Variants in SPAG16 observed in about 807,000 individuals in gnomAD.
SPAG16 encodes the protein sperm associated antigen 16.
A neutral mutation model predicts 80.4 loss-of-function variants in SPAG16; 86 were observed. The observed-to-expected ratio is 1.07, with a 90% CI of 0.90 to 1.28. The LOEUF is 1.28. Ranked by LOEUF, SPAG16 falls within the 50% of genes most tolerant of loss-of-function variation. The pLI, the probability that SPAG16 is intolerant of heterozygous loss-of-function variation, is 0.00. For missense variants in SPAG16, 870 were observed against 765.3 expected (o/e 1.14, Z -1.61); for synonymous variants, 294 against 265.9 (o/e 1.11, Z -1.03).
rs144089091 is a variant in SPAG16, at chr2:213,437,200, A to C, written c.943-52763A>C. On this transcript the variant is annotated intron_variant, in intron 9 of 15. Coordinates refer to ENST00000331683, the MANE Select transcript of SPAG16 (RefSeq NM_024532.5). ...AGGCATGAGCCACTGTGCCTGGCCA[A>C]AAATGAGAAACTCTTAGTCTTTAAG... Among the ~76,000 whole-genome samples the C allele has an allele frequency of 2.8e-4, 43 of 152,344 alleles. No individual in the cohort carries two copies. The South Asian group carries it at 5.8e-3, about 21-fold the overall frequency.
chr2:213,381,051 A>G (rs1453535658), intron 9 of SPAG16, among the ~76,000 whole-genome samples: 2 of 151,698 alleles, frequency 1.3e-5, no homozygotes. Flanking sequence ...CAGGGAAACA[A>G]TGAAGGAATG....
chr2:214,175,599 C>A (rs924889002), intron 15 of SPAG16, among the ~76,000 whole-genome samples: 8 of 151,104 alleles, frequency 5.3e-5, no homozygotes, highest in African/African-American at 1.9e-4. Context: ...TGGGAAGACA[C>A]CTCAAAGCCA....
chr2:213,892,407 G>T (rs1412326420), intron 11 of SPAG16, among the ~76,000 whole-genome samples: 1 of 152,136 alleles, frequency 6.6e-6, no homozygotes, highest in African/African-American at 2.4e-5. Flanking sequence ...ACACATATGT[G>T]TCTACAAGAA....
chr2:214,295,523 G>A (rs2125939003), intron 15 of SPAG16, among the ~76,000 whole-genome samples: 1 of 152,310 alleles, frequency 6.6e-6, no homozygotes, highest in Admixed American at 6.5e-5. Flanking sequence ...AGGGACAGTG[G>A]CTCATGCCTG....
intron 15 of SPAG16, among the ~76,000 whole-genome samples, chr2:214,263,996 T>G (rs766580635): frequency 2.0e-5 from 3 of 152,214 alleles, no homozygotes; most frequent in Non-Finnish European, 4.4e-5. Flanking sequence ...AAGTCTATAC[T>G]TTTAAAATTA....
chr2:214,143,987 G>C (rs1480036658), intron 14 of SPAG16, among the ~76,000 whole-genome samples: 2 of 151,948 alleles, frequency 1.3e-5, no homozygotes, highest in Admixed American at 1.3e-4. Flanking sequence ...GCAAGACCCT[G>C]TCTATAAAAA....
In SPAG16 at chr2:214,233,313, T is replaced by A. The variant is rs150116302; in HGVS notation, c.1720+84047T>A. Among the ~76,000 whole-genome samples, 75 of 151,632 alleles carry A rather than the reference T, an allele frequency of 4.9e-4. 1 individual carries two copies. The East Asian group carries it at 0.013, about 27-fold the overall frequency. ...ATTAATCTCTGTAGCCTTCTGTATA[T>A]GTGCCCTAATTCTCAGTAAAAATAG... On this transcript the variant is annotated intron_variant, in intron 15 of 15. Coordinates refer to ENST00000331683, the MANE Select transcript of SPAG16 (RefSeq NM_024532.5).
chr2:213,837,404 C>T (rs942899159), intron 10 of SPAG16, among the ~76,000 whole-genome samples: 1 of 152,208 alleles, frequency 6.6e-6, no homozygotes, highest in Non-Finnish European at 1.5e-5. Flanking sequence ...TTACAAATGA[C>T]TCCCAATTAT....
At chr2:213,708,216 G>A (rs1010483806) in intron 10 of SPAG16, among the ~76,000 whole-genome samples, 2 of 152,086 alleles carry the variant, frequency 1.3e-5, no homozygotes, top group Admixed American at 6.6e-5. Context: ...ACAAAGATCA[G>A]TTGAAAAGAT....
intron 8 of SPAG16, among the ~76,000 whole-genome samples, chr2:213,369,173 C>T (rs926682012): frequency 2.6e-5 from 4 of 152,004 alleles, no homozygotes; most frequent in African/African-American, 4.8e-5. Context: ...CAGGCAAGCT[C>T]GGAGATTTTT....
At chr2:213,637,832 C>A (rs557073196) in intron 10 of SPAG16, among the ~76,000 whole-genome samples, 2 of 152,154 alleles carry the variant, frequency 1.3e-5, no homozygotes, top group Non-Finnish European at 2.9e-5. Context: ...TCTCGGCTCA[C>A]GGCAAGCTCT....
At chr2:213,588,814 A>AAAAAAAAAAC (rs2060572147) in intron 10 of SPAG16, among the ~76,000 whole-genome samples, 1 of 117,018 alleles carries the variant, frequency 8.5e-6, no homozygotes, top group Non-Finnish European at 1.7e-5. Flanking sequence ...GTCTCAAAAA[A>AAAAAAAAAAC]AAAAAAAAAA....
chr2:214,244,119 G>T (rs1689677533), intron 15 of SPAG16, among the ~76,000 whole-genome samples: 1 of 151,952 alleles, frequency 6.6e-6, no homozygotes, highest in Non-Finnish European at 1.5e-5. Context: ...AGTTACATAT[G>T]TATAGGAAAT....
chr2:213,830,791 C>T (rs13433055), intron 10 of SPAG16, among the ~76,000 whole-genome samples: 115 of 152,192 alleles, frequency 7.6e-4, no homozygotes, highest in African/African-American at 2.6e-3. Flanking sequence ...TTTTCCATCA[C>T]AAATTTCCCA....
At chr2:213,965,142 A>C (rs1205241513) in intron 12 of SPAG16, among the ~76,000 whole-genome samples, 1 of 152,100 alleles carries the variant, frequency 6.6e-6, no homozygotes, top group Admixed American at 6.5e-5. Flanking sequence ...TGTTTTCTCC[A>C]CAGTGTGTAG....
At chr2:213,942,375 TC>T (rs1288615000) in intron 12 of SPAG16, among the ~76,000 whole-genome samples, 1 of 152,186 alleles carries the variant, frequency 6.6e-6, no homozygotes. Flanking sequence ...CATATTCAAA[TC>T]CCTAACACTC....
At chr2:213,692,068 C>A (rs1389780781) in intron 10 of SPAG16, among the ~76,000 whole-genome samples, 1 of 151,998 alleles carries the variant, frequency 6.6e-6, no homozygotes, top group Non-Finnish European at 1.5e-5. Flanking sequence ...TTATTAATAG[C>A]AAACTGGAGA....
intron 12 of SPAG16, among the ~76,000 whole-genome samples, chr2:213,986,770 G>T (rs1282920501): frequency 1.3e-5 from 2 of 151,232 alleles, no homozygotes; most frequent in Non-Finnish European, 2.9e-5. Context: ...TGGGAAAAAA[G>T]AAAATAGACT....
At chr2:213,668,541 C>T (rs2063698354) in intron 10 of SPAG16, among the ~76,000 whole-genome samples, 2 of 152,062 alleles carry the variant, frequency 1.3e-5, no homozygotes, top group Non-Finnish European at 2.9e-5. Context: ...TCATTTCACT[C>T]TTATGTAATT....
Sources: gnomAD v4.1 joint callset for allele counts (sites outside exome capture counted in the v4.1 genomes callset) on GRCh38, gnomAD v4.1.1 for gene constraint, MANE v1.5 for transcripts, NCBI Gene and HGNC (gene_info 2026-07-23, HGNC 2026-07-21) for gene names.